The following ERC1 variants were observed in gnomAD, a reference collection of about 807,000 sequenced individuals.
ERC1 encodes RAB6 interacting protein 2.
A neutral mutation model predicts 132.0 loss-of-function variants in ERC1; 56 were observed. The ratio of observed to expected loss-of-function variants is 0.42; its 90% CI spans 0.34 to 0.53. The LOEUF is 0.53. Among genes scored for constraint, ERC1 ranks in the 20% least tolerant of loss-of-function variants. The probability of loss-of-function intolerance (pLI) is 0.03; values close to 1 mark genes in which losing one functional copy is unlikely to be tolerated. For missense variants in ERC1, 1,202 were observed against 1,349.9 expected (o/e 0.89, Z 1.72); for synonymous variants, 478 against 476.1 (o/e 1.00, Z -0.05).
chr12:1,480,068 A>T (rs2094056488), intron 18 of ERC1, among the ~76,000 whole-genome samples: 1 of 150,032 alleles, frequency 6.7e-6, no homozygotes, highest in Admixed American at 6.6e-5. Flanking sequence ...TATCTTGGTT[A>T]AAGTAAGGTT....
intron 15 of ERC1, among the ~76,000 whole-genome samples, chr12:1,342,647 TAAATC>T (rs1439276569): frequency 2.6e-5 from 4 of 152,108 alleles, no homozygotes; most frequent in African/African-American, 7.2e-5. Flanking sequence ...TCTTAAAGGA[TAAATC>T]AGAGAAGAGA....
rs182677433 is a variant in ERC1 at position 1,257,076 on chromosome 12, G to A, written c.2488-5958G>A. 5 of 150,694 alleles carry A rather than the reference G, an allele frequency of 3.3e-5. No individual in the cohort carries two copies. In the East Asian group the frequency reaches 5.9e-4, roughly 18 times the overall value. The allele number at this position is 150,694 out of a possible 1,614,324, so 9.3% of individuals were successfully genotyped here. A position where few individuals can be genotyped will look rare whatever the true frequency, so the allele number is the denominator to read the frequency against. On this transcript the variant is annotated intron_variant, in intron 13 of 18. Transcript: ENST00000360905. Reference sequence around the variant, plus strand: ...ACAAGAAGGCAGAAGTGATGGCGCCGGCTTCTGAAGCTACATCACAAAAGA... The same window carrying A: ...ACAAGAAGGCAGAAGTGATGGCGCCAGCTTCTGAAGCTACATCACAAAAGA...
At chr12:1,437,514 T>C (rs1458881856) in intron 17 of ERC1, among the ~76,000 whole-genome samples, 1 of 152,210 alleles carries the variant, frequency 6.6e-6, no homozygotes, top group Admixed American at 6.5e-5. Context: ...CCCTTACTAG[T>C]AGGCAAGCCC....
At chr12:1,191,041 A>G (rs890423531) in intron 12 of ERC1, among the ~76,000 whole-genome samples, 1 of 152,018 alleles carries the variant, frequency 6.6e-6, no homozygotes, top group African/African-American at 2.4e-5. Context: ...TAGAATTTTA[A>G]TTTTCAAGAA....
At chr12:1,438,889 C>T (rs980404188) in intron 17 of ERC1, among the ~76,000 whole-genome samples, 1 of 151,808 alleles carries the variant, frequency 6.6e-6, no homozygotes, top group Non-Finnish European at 1.5e-5. Context: ...CTTCAGTGAG[C>T]TGTGATTGCA....
At chr12:1,142,729 C>T (rs1328847596) in intron 8 of ERC1, among the ~76,000 whole-genome samples, 4 of 152,154 alleles carry the variant, frequency 2.6e-5, no homozygotes, top group African/African-American at 2.4e-5. Context: ...TAAGTAAAGT[C>T]GAACAGACTT....
At chr12:1,034,420 A>G (rs1186386605) in intron 2 of ERC1, among the ~76,000 whole-genome samples, 1 of 152,000 alleles carries the variant, frequency 6.6e-6, no homozygotes, top group Non-Finnish European at 1.5e-5. Context: ...TTAAAAATAA[A>G]TAAAAAAATA....
chr12:1,287,891 A>G (rs931307243), intron 14 of ERC1, among the ~76,000 whole-genome samples: 9 of 152,234 alleles, frequency 5.9e-5, no homozygotes, highest in Non-Finnish European at 1.5e-5. Context: ...AGGTACAGAC[A>G]ATACCAAGCA....
intron 1 of ERC1, among the ~76,000 whole-genome samples, chr12:1,000,115 C>A (rs998334554): frequency 3.9e-5 from 6 of 152,150 alleles, no homozygotes; most frequent in African/African-American, 1.4e-4. Context: ...TTTTATGTGA[C>A]AGCCCTTTTG....
At chr12:1,263,200 T>A (rs753349950) in intron 14 of ERC1, 35 bp downstream of exon 14, 4 of 1,608,860 alleles carry the variant, frequency 2.5e-6, no homozygotes, top group Non-Finnish European at 3.4e-6. Flanking sequence ...GCAATGCTGC[T>A]GGTTAACCAA....
At chr12:1,476,048 G>A (rs191686940) in intron 18 of ERC1, among the ~76,000 whole-genome samples, 2 of 151,816 alleles carry the variant, frequency 1.3e-5, no homozygotes, top group Middle Eastern at 3.4e-3. Flanking sequence ...TGGATCACAC[G>A]GTCAGGAGAT....
At chr12:1,081,165 C>A (rs1942141707) in intron 2 of ERC1, among the ~76,000 whole-genome samples, 1 of 152,050 alleles carries the variant, frequency 6.6e-6, no homozygotes, top group East Asian at 1.9e-4. Context: ...CTTCTTCATT[C>A]CTAAAAATAA....
chr12:1,161,111 G>T (rs1024987035), intron 8 of ERC1, among the ~76,000 whole-genome samples: 3 of 152,122 alleles, frequency 2.0e-5, no homozygotes, highest in Non-Finnish European at 2.9e-5. Flanking sequence ...TCCTCATTCC[G>T]CATAGTGTTT....
At chr12:1,168,124 A>G (rs1952628229) in intron 8 of ERC1, among the ~76,000 whole-genome samples, 1 of 151,822 alleles carries the variant, frequency 6.6e-6, no homozygotes, top group African/African-American at 2.4e-5. Flanking sequence ...CAAATTTGGT[A>G]TTTTTATTTT....
intron 17 of ERC1, chr12:1,443,732 G>A (rs189135949): frequency 1.3e-5 from 2 of 152,378 alleles, no homozygotes; most frequent in Admixed American, 6.5e-5. Context: ...CTATTGTCAC[G>A]AGAGCTGCCA....
intron 13 of ERC1, among the ~76,000 whole-genome samples, chr12:1,241,402 A>G (rs531957081): frequency 6.6e-6 from 1 of 152,222 alleles, no homozygotes; most frequent in Non-Finnish European, 1.5e-5. Flanking sequence ...TTGAGGAATG[A>G]TGATTGTTAC....
At chr12:1,112,854 T>C (rs1389833035) in intron 6 of ERC1, among the ~76,000 whole-genome samples, 1 of 152,176 alleles carries the variant, frequency 6.6e-6, no homozygotes, top group Non-Finnish European at 1.5e-5. Flanking sequence ...CTAAATCTAG[T>C]TCAATATTCT....
intron 12 of ERC1, among the ~76,000 whole-genome samples, chr12:1,220,280 C>T (rs1286052141): frequency 1.3e-5 from 2 of 152,150 alleles, no homozygotes; most frequent in African/African-American, 2.4e-5. Context: ...GTTCCCGCCT[C>T]CCCCTTTTAA....
chr12:1,103,022 T>G (rs1429967473), intron 3 of ERC1, among the ~76,000 whole-genome samples: 1 of 152,228 alleles, frequency 6.6e-6, no homozygotes, highest in Non-Finnish European at 1.5e-5. Context: ...TTTTCCTCTT[T>G]TCTTTACCAA....
Sources: allele counts gnomAD v4.1 joint callset (sites outside exome capture counted in the v4.1 genomes callset), GRCh38; gene constraint gnomAD v4.1.1; transcripts MANE v1.5; gene names NCBI Gene and HGNC (gene_info 2026-07-23, HGNC 2026-07-21).